The following GSE1 variants were observed in gnomAD, a reference collection of about 807,000 sequenced individuals.
The protein encoded by GSE1 is genetic suppressor element 1.
Under a neutral mutation model 112.6 loss-of-function variants are expected in GSE1, and 32 were observed. The ratio of observed to expected loss-of-function variants is 0.28; its 90% confidence interval spans 0.21 to 0.38. The LOEUF (loss-of-function observed/expected upper bound fraction) is 0.38, where lower values mean the gene tolerates loss of function less well. Among genes scored for constraint, GSE1 ranks in the 10% least tolerant of loss-of-function variants. GSE1 has a pLI of 1.00. For synonymous variants in GSE1, 1,115 were observed against 735.6 expected, an observed-to-expected ratio of 1.52 and a Z score of -8.35; for missense variants, 2,348 against 1,699.2, an observed-to-expected ratio of 1.38 and a Z score of -6.71.
chr16:85,182,216 G>T (rs1209188741), intron 1 of GSE1, among the ~76,000 whole-genome samples: 2 of 152,176 alleles, frequency 1.3e-5, no homozygotes, highest in Non-Finnish European at 2.9e-5. Flanking sequence ...GGGGGAGGAG[G>T]TGCCATCGTG....
rs896114422 is a variant in GSE1 at position 85,225,155 on chromosome 16, T to G, written c.2283+53348T>G. 4.0e-5 allele frequency among the ~76,000 whole-genome samples: 6 copies of G among 149,652 alleles called. No individual in the cohort carries two copies. The East Asian group carries it at 1.2e-3, about 29-fold the overall frequency. On this transcript the variant is annotated intron_variant, in intron 1 of 2. Coordinates refer to the GSE1 transcript ENST00000637419. ...AAAAAAGAAAGAAGTAAGTGAATAG[T>G]AGACCACGTGGGATCACAGGGAGCT...
chr16:85,582,805 C>T (rs1433180292), intron 1 of GSE1, among the ~76,000 whole-genome samples: 1 of 152,190 alleles, frequency 6.6e-6, no homozygotes, highest in African/African-American at 2.4e-5. Flanking sequence ...TGCGGTTGGT[C>T]GGCCGCCTTG....
chr16:85,417,404 G>GCT (rs200455221), intron 2 of GSE1, among the ~76,000 whole-genome samples: 28,171 of 152,154 alleles, frequency 0.19, 2,776 homozygotes, highest in Middle Eastern at 0.32. Flanking sequence ...ACCCGAGCTG[G>GCT]AAGAAGATCC....
intron 2 of GSE1, among the ~76,000 whole-genome samples, chr16:85,636,448 T>C (rs957315617): frequency 1.3e-5 from 2 of 152,188 alleles, no homozygotes; most frequent in African/African-American, 4.8e-5. Context: ...GGCCTTGGTC[T>C]GGATGGGGAG....
intron 1 of GSE1, among the ~76,000 whole-genome samples, chr16:85,246,163 G>T (rs1225811061): frequency 6.7e-6 from 1 of 148,990 alleles, no homozygotes; most frequent in Non-Finnish European, 1.5e-5. Context: ...GGGTGCCGTG[G>T]AGGCCCTACT....
chr16:85,548,628 C>G (rs1171321826), intron 2 of GSE1, among the ~76,000 whole-genome samples: 4 of 152,172 alleles, frequency 2.6e-5, no homozygotes, highest in African/African-American at 9.7e-5. Flanking sequence ...GTACCACATT[C>G]TCTAGATTCC....
chr16:85,499,295 C>CTTTTTTTT (rs568776401), intron 2 of GSE1, among the ~76,000 whole-genome samples: 4 of 77,162 alleles, frequency 5.2e-5, no homozygotes, highest in African/African-American at 1.5e-4. Context: ...GGAAAGTCAC[C>CTTTTTTTT]TTTTTTTTTT....
At chr16:85,599,901 G>C (rs1346583845) in intron 1 of GSE1, among the ~76,000 whole-genome samples, 1 of 152,194 alleles carries the variant, frequency 6.6e-6, no homozygotes, top group Non-Finnish European at 1.5e-5. Context: ...CTGGAAGACA[G>C]ATGAGGCTGT....
intron 1 of GSE1, among the ~76,000 whole-genome samples, chr16:85,614,850 G>C (rs2048269901): frequency 6.6e-6 from 1 of 152,246 alleles, no homozygotes. Context: ...CAAATGGAAA[G>C]AGGGCTCCTT....
intron 3 of GSE1, among the ~76,000 whole-genome samples, chr16:85,652,250 C>T (rs1052915198): frequency 6.6e-6 from 1 of 152,264 alleles, no homozygotes; most frequent in Non-Finnish European, 1.5e-5. Flanking sequence ...TTGATGTGTG[C>T]ACGAGGCACG....
intron 2 of GSE1, among the ~76,000 whole-genome samples, chr16:85,544,919 G>A (rs914969108): frequency 9.2e-5 from 14 of 152,246 alleles, no homozygotes; most frequent in African/African-American, 2.9e-4. Context: ...CCGTGCCCGC[G>A]CTGTCACGGT....
At chr16:85,564,309 C>G (rs1050542488) in intron 1 of GSE1, among the ~76,000 whole-genome samples, 3 of 152,156 alleles carry the variant, frequency 2.0e-5, no homozygotes, top group Non-Finnish European at 4.4e-5. Flanking sequence ...ACTGCTCTTA[C>G]AAGACTCAGC....
chr16:85,290,982 G>T (rs2045193048), intron 1 of GSE1, among the ~76,000 whole-genome samples: 1 of 152,268 alleles, frequency 6.6e-6, no homozygotes, highest in South Asian at 2.1e-4. Flanking sequence ...CAGAGCCGTA[G>T]CAGACAGACA....
At chr16:85,279,151 T>C (rs1419996600) in intron 1 of GSE1, 1 of 152,226 alleles carries the variant, frequency 6.6e-6, no homozygotes, top group East Asian at 1.9e-4. Flanking sequence ...AACGATGTGG[T>C]AACTTTCAGG....
intron 2 of GSE1, among the ~76,000 whole-genome samples, chr16:85,392,013 A>G (rs1330589323): frequency 6.6e-6 from 1 of 151,752 alleles, no homozygotes; most frequent in Non-Finnish European, 1.5e-5. Flanking sequence ...CTTCCTGGGA[A>G]CTCCTCTCCT....
At chr16:85,501,693 C>G (rs1160453561) in intron 2 of GSE1, among the ~76,000 whole-genome samples, 1 of 152,224 alleles carries the variant, frequency 6.6e-6, no homozygotes, top group Non-Finnish European at 1.5e-5. Flanking sequence ...TGTGCCTTGC[C>G]AAAACTTCAG....
chr16:85,262,548 G>A (rs8048258), intron 1 of GSE1, among the ~76,000 whole-genome samples: 20,168 of 152,240 alleles, frequency 0.13, 1,417 homozygotes, highest in South Asian at 0.22. Flanking sequence ...CTAGGGTAAC[G>A]GTTTCCATTT....
At chr16:85,297,814 A>T (rs1010581679) in intron 1 of GSE1, among the ~76,000 whole-genome samples, 3 of 152,062 alleles carry the variant, frequency 2.0e-5, no homozygotes, top group Admixed American at 6.5e-5. Context: ...CCTGGCCCTT[A>T]TCTTTTGAGT....
intron 1 of GSE1, among the ~76,000 whole-genome samples, chr16:85,352,747 T>C (rs1018497172): frequency 1.3e-5 from 2 of 152,236 alleles, no homozygotes; most frequent in African/African-American, 4.8e-5. Context: ...CAAAACCCTG[T>C]GTGCCCCACA....
Sources: allele counts gnomAD v4.1 joint callset (sites outside exome capture counted in the v4.1 genomes callset), GRCh38; gene constraint gnomAD v4.1.1; transcripts MANE v1.5; gene names NCBI Gene and HGNC (gene_info 2026-07-23, HGNC 2026-07-21).